Variants in C2orf42 observed in about 807,000 individuals in gnomAD.
C2orf42 encodes uncharacterized protein C2orf42.
Under a neutral mutation model 58.9 loss-of-function variants are expected in C2orf42, and 44 were observed. The observed-to-expected ratio is 0.75, with a 90% CI of 0.59 to 0.96. The LOEUF is 0.96. Among genes scored for constraint, C2orf42 ranks in the 40% least tolerant of loss-of-function variants. The probability of loss-of-function intolerance (pLI) is 0.00; values close to 1 mark genes in which losing one functional copy is unlikely to be tolerated. For missense variants in C2orf42, 630 were observed against 699.2 expected, an observed-to-expected ratio of 0.90 and a Z score of 1.12; for synonymous variants, 239 against 265.4, an observed-to-expected ratio of 0.90 and a Z score of 0.97.
chr2:70,165,633 T>G lies in C2orf42; in HGVS notation c.1147A>C (p.Lys383Gln). 6.3e-7 allele frequency: 1 copy of G among 1,575,386 alleles called. No individual in the cohort carries two copies. The highest frequency in any genetic ancestry group is 8.7e-7 in the Non-Finnish European group (1 of 1,145,516). ...HQTMHYQFDGKPEPLVFHIPQ... is the reference protein window; with the variant it reads ...HQTMHYQFDGQPEPLVFHIPQ... ...ATGTGGAACACCAATGGTTCTGGTTTGCCTATGGGAAACAAGAAGAAACAA... is the reference window on the plus strand; with the variant it reads ...ATGTGGAACACCAATGGTTCTGGTTGGCCTATGGGAAACAAGAAGAAACAA... Residue 383 changes from lysine to glutamine, a missense_variant and splice_region_variant, in exon 7 of 10, where the codon AAA (lysine) becomes CAA (glutamine). Physicochemically the swap from Lys to Gln is moderately conservative, Grantham distance 53. Coordinates refer to ENST00000264434, the MANE Select transcript of C2orf42 (RefSeq NM_017880.3).
chr2:70,165,500 A>C, intron 7 of C2orf42, 28 bp downstream of exon 7: 1 of 1,194,250 alleles, frequency 8.4e-7, no homozygotes, highest in Non-Finnish European at 1.3e-6. Flanking sequence ...CGAGACATCC[A>C]TCACTATACC....
intron 5 of C2orf42, among the ~76,000 whole-genome samples, chr2:70,172,756 T>C (rs1199167998): frequency 6.6e-6 from 1 of 152,164 alleles, no homozygotes; most frequent in East Asian, 1.9e-4. Context: ...GTAGAGATAA[T>C]GCCTCAATGA....
intron 1 of C2orf42, among the ~76,000 whole-genome samples, chr2:70,187,154 G>A (rs946315256): frequency 6.6e-6 from 1 of 152,148 alleles, no homozygotes; most frequent in Non-Finnish European, 1.5e-5. Flanking sequence ...TGTCATTAAG[G>A]GAGGAGGTGG....
chr2:70,183,485 A>G (rs1674713129), intron 1 of C2orf42, among the ~76,000 whole-genome samples: 1 of 151,134 alleles, frequency 6.6e-6, no homozygotes. Context: ...GCTGGAGTGC[A>G]GTGGCGCAAT....
chr2:70,168,444 C>A (rs1262663145), intron 6 of C2orf42, among the ~76,000 whole-genome samples: 1 of 149,974 alleles, frequency 6.7e-6, no homozygotes, highest in Non-Finnish European at 1.5e-5. Context: ...CCCGCCACCA[C>A]ACCTGGCTAA....
intron 1 of C2orf42, among the ~76,000 whole-genome samples, chr2:70,187,987 G>C (rs557002687): frequency 6.6e-6 from 1 of 152,026 alleles, no homozygotes; most frequent in African/African-American, 2.4e-5. Flanking sequence ...CACCATACCC[G>C]ACTGCATTTT....
intron 5 of C2orf42, among the ~76,000 whole-genome samples, chr2:70,170,501 G>A (rs574816148): frequency 6.6e-6 from 1 of 151,982 alleles, no homozygotes; most frequent in East Asian, 2.0e-4. Flanking sequence ...GCACGCCTTG[G>A]CCTCCCAAAG....
intron 5 of C2orf42, among the ~76,000 whole-genome samples, chr2:70,170,011 G>A (rs776120000): frequency 1.4e-4 from 22 of 151,766 alleles, no homozygotes; most frequent in East Asian, 1.9e-4. Context: ...CACCTGCCTC[G>A]GCCTCCCAAA....
chr2:70,167,902 G>C (rs765803701), intron 6 of C2orf42, among the ~76,000 whole-genome samples: 1 of 151,972 alleles, frequency 6.6e-6, no homozygotes, highest in Non-Finnish European at 1.5e-5. Flanking sequence ...TGGGATGGAA[G>C]AGGACTACAA....
At chr2:70,165,680 G>A (rs745516598) in intron 6 of C2orf42, 45 bp from the exon 7 acceptor site, 1 of 1,047,428 alleles carries the variant, frequency 9.5e-7, no homozygotes, top group African/African-American at 1.6e-5. Context: ...AAACTCAGTG[G>A]ACTTTCTGAT....
intron 1 of C2orf42, among the ~76,000 whole-genome samples, chr2:70,186,753 C>A (rs1298160859): frequency 6.6e-6 from 1 of 152,120 alleles, no homozygotes. Context: ...CACATATACA[C>A]CATGGAATAC....
chr2:70,160,585 C>G, intron 9 of C2orf42, 40 bp downstream of exon 9: 1 of 1,477,326 alleles, frequency 6.8e-7, no homozygotes, highest in Admixed American at 1.8e-5. Flanking sequence ...TGTTCACCAG[C>G]TGACACTCAA....
chr2:70,173,267 C>CTTT lies in C2orf42; in HGVS notation c.1039+2403_1039+2405dup, dbSNP rs202063318. 9.6e-3 allele frequency among the ~76,000 whole-genome samples: 917 copies of CTTT among 95,722 alleles called. 59 individuals are homozygous for CTTT. Among genetic ancestry groups the CTTT allele is most frequent in the African/African-American group, 0.03 (632 of 21,406 alleles). The allele number at this position is 95,722 out of a possible 152,430, so 62.8% of individuals were successfully genotyped here. On this transcript the variant is annotated intron_variant, in intron 5 of 9. Coordinates refer to ENST00000264434, the MANE Select transcript of C2orf42 (RefSeq NM_017880.3). ...CCTAGAATGCCTAAGTGCGTAAGTT[C>CTTT]TTTTTTTTTTTTTTTTTTTTTTTTG...
intron 1 of C2orf42, among the ~76,000 whole-genome samples, chr2:70,189,443 C>T (rs1229387141): frequency 1.5e-5 from 2 of 135,320 alleles, no homozygotes; most frequent in African/African-American, 2.9e-5. Flanking sequence ...ATGGGCCGGG[C>T]GCGGTGGCTC....
In C2orf42 at chr2:70,150,317, T is replaced by C. The variant is rs1182701573; in HGVS notation, c.*39A>G. On this transcript the variant is annotated 3_prime_UTR_variant, in exon 10 of 10. Transcript: ENST00000264434. ...TTAAAGTTGTCAAGGGGTGGGGATG[T>C]GCAAATTAAGCAGCAAAAGATTATT... The C allele has an allele frequency of 2.5e-6, 4 of 1,570,860 alleles. No homozygotes were observed. The Admixed American group carries it at 5.0e-5, about 20-fold the overall frequency.
At chr2:70,190,783 C>G (rs1675305698) in intron 1 of C2orf42, 190 bp downstream of exon 1, 1 of 152,412 alleles carries the variant, frequency 6.6e-6, no homozygotes, top group Non-Finnish European at 1.5e-5. Context: ...GCGCTCACTT[C>G]CGGTCCCAAG....
In C2orf42 at chr2:70,150,363, A is replaced by G. The variant is rs758863613; in HGVS notation, c.1718T>C (p.Phe573Ser). Residue 573 changes from phenylalanine to serine, a missense_variant, in exon 10 of 10, where the codon TTC (phenylalanine) becomes TCC (serine). Phe to Ser is a radical substitution (Grantham distance 155). Coordinates refer to ENST00000264434, the MANE Select transcript of C2orf42 (RefSeq NM_017880.3). ...LELAPLTTIT[F>S]P ...TTATTATCTTGTTTTGCTTTAAGGG[A>G]AAGTAATAGTGGTCAGAGGGGCCAG... 1 of 1,613,536 alleles carries G rather than the reference A, an allele frequency of 6.2e-7. No individual in the cohort carries two copies. Among genetic ancestry groups the G allele is most frequent in the South Asian group, 1.1e-5 (1 of 91,050 alleles).
At chr2:70,152,583 C>T (rs184833070) in intron 9 of C2orf42, among the ~76,000 whole-genome samples, 325 of 152,266 alleles carry the variant, frequency 2.1e-3, no homozygotes, top group Admixed American at 3.9e-3. Context: ...TACTTTGTCT[C>T]TCTCACTGTT....
chr2:70,185,969 G>T (rs539164891), intron 1 of C2orf42, among the ~76,000 whole-genome samples: 1 of 147,580 alleles, frequency 6.8e-6, no homozygotes, highest in Non-Finnish European at 1.5e-5. Flanking sequence ...ACTAGATCCC[G>T]GTAGCAGGCC....
Sources: allele counts gnomAD v4.1 joint callset (sites outside exome capture counted in the v4.1 genomes callset), GRCh38; gene constraint gnomAD v4.1.1; transcripts MANE v1.5; gene names NCBI Gene and HGNC (gene_info 2026-07-23, HGNC 2026-07-21).